Variants in RPTOR observed in about 807,000 individuals in gnomAD.
RPTOR encodes regulatory associated protein of MTOR complex 1, also known as regulatory-associated protein of mTOR.
A neutral mutation model predicts 169.9 loss-of-function variants in RPTOR; 21 were observed. The observed-to-expected ratio is 0.12, with a 90% CI of 0.09 to 0.18. RPTOR has a LOEUF of 0.18. RPTOR is among the 10% of genes least tolerant of loss of function. The pLI is 1.00. For missense variants in RPTOR, 1,133 were observed against 1,855.9 expected (o/e 0.61, Z 7.16); for synonymous variants, 732 against 753.2 (o/e 0.97, Z 0.46).
At chr17:80,858,699 G>C (rs1411683515) in intron 13 of RPTOR, among the ~76,000 whole-genome samples, 1 of 152,192 alleles carries the variant, frequency 6.6e-6, no homozygotes, top group African/African-American at 2.4e-5. Context: ...ACGCCAGGAA[G>C]GGCCTTGAGG....
At chr17:80,700,400 G>GTGA (rs1315185153) in intron 3 of RPTOR, among the ~76,000 whole-genome samples, 4 of 151,188 alleles carry the variant, frequency 2.6e-5, no homozygotes, top group African/African-American at 9.7e-5. Flanking sequence ...GGTAGTGGTG[G>GTGA]TGATGGTGGT....
At position 80,546,770 on chromosome 17, in the gene RPTOR, T is replaced by A. The variant is rs76666348; in HGVS notation, c.162+979T>A. On this transcript the variant is annotated intron_variant, in intron 1 of 33. Coordinates refer to ENST00000306801, the MANE Select transcript of RPTOR (RefSeq NM_020761.3). The stretch of plus-strand genomic sequence containing the variant: ...TTGAACATATATAAGATTACACTTC[T>A]GGGCTGGGCGCGGTGGCTCACGCCT... Among the ~76,000 whole-genome samples, 58 of 152,306 alleles carry A rather than the reference T, an allele frequency of 3.8e-4. 1 individual carries two copies. The East Asian group carries it at 0.011, about 28-fold the overall frequency.
intron 24 of RPTOR, among the ~76,000 whole-genome samples, chr17:80,935,884 T>G (rs1203557420): frequency 6.6e-6 from 1 of 152,120 alleles, no homozygotes; most frequent in Non-Finnish European, 1.5e-5. Context: ...TCATCAAAAT[T>G]AAAAACTGCT....
At chr17:80,863,383 C>A (rs1282607954) in intron 13 of RPTOR, among the ~76,000 whole-genome samples, 5 of 152,114 alleles carry the variant, frequency 3.3e-5, no homozygotes, top group Non-Finnish European at 7.3e-5. Flanking sequence ...GAAAATATGA[C>A]CCGTAATGAA....
In RPTOR at chr17:80,820,675, C is replaced by T. The variant is rs1254213859; in HGVS notation, c.891-1526C>T. The stretch of plus-strand genomic sequence containing the variant: ...GCAGCCTGGCCATTCCTCCTGCGCA[C>T]AGTGGACATGCTTGTTCTGAAGCGA... On this transcript the variant is annotated intron_variant, in intron 7 of 33. Transcript: ENST00000306801. The surrounding 1 kb of genome is among the most constrained non-coding windows in gnomAD (Gnocchi z 4.1). Among the ~76,000 whole-genome samples, 3 of 152,244 alleles carry T rather than the reference C, an allele frequency of 2.0e-5. No homozygotes were observed. The highest frequency in any genetic ancestry group is 4.1e-4 in the South Asian group (2 of 4,838).
intron 13 of RPTOR, among the ~76,000 whole-genome samples, chr17:80,875,603 GGCTT>G (rs2068098113): frequency 6.6e-6 from 1 of 152,214 alleles, no homozygotes; most frequent in Non-Finnish European, 1.5e-5. Flanking sequence ...TTGAGAGGGC[GGCTT>G]TGGCAGATTC....
intron 9 of RPTOR, among the ~76,000 whole-genome samples, chr17:80,827,493 C>T (rs1397846411): frequency 3.3e-5 from 5 of 152,206 alleles, no homozygotes; most frequent in South Asian, 2.1e-4. Context: ...GCGCAGGAGC[C>T]GGGTGCTGCA....
At chr17:80,840,690 ACT>A (rs1432414778) in intron 10 of RPTOR, among the ~76,000 whole-genome samples, 1 of 85,510 alleles carries the variant, frequency 1.2e-5, no homozygotes, top group Non-Finnish European at 2.3e-5. Flanking sequence ...ACGGCAGCTC[ACT>A]CTCACCACAC....
At chr17:80,703,751 A>G (rs1382802914) in intron 3 of RPTOR, among the ~76,000 whole-genome samples, 1 of 152,160 alleles carries the variant, frequency 6.6e-6, no homozygotes, top group Non-Finnish European at 1.5e-5. Context: ...TGGGGCCTGG[A>G]GCTGGGCTAA....
intron 3 of RPTOR, among the ~76,000 whole-genome samples, chr17:80,700,541 A>ATGG (rs2066080571): frequency 1.2e-5 from 1 of 80,698 alleles, no homozygotes; most frequent in Non-Finnish European, 2.4e-5. Context: ...GGTGGTGATG[A>ATGG]TGATGGTGGT....
intron 7 of RPTOR, among the ~76,000 whole-genome samples, chr17:80,818,572 C>T (rs1012054831): frequency 3.9e-5 from 6 of 152,158 alleles, no homozygotes; most frequent in African/African-American, 9.7e-5. Flanking sequence ...ATGCTGGACT[C>T]GGTTCCACCT....
intron 7 of RPTOR, among the ~76,000 whole-genome samples, chr17:80,816,733 G>A (rs2067327373): frequency 6.6e-6 from 1 of 152,180 alleles, no homozygotes; most frequent in South Asian, 2.1e-4. Context: ...GGGCGGTGAG[G>A]ACAGAAACCA....
intron 31 of RPTOR, 170 bp downstream of exon 31, chr17:80,961,650 C>T: frequency 1.3e-6 from 1 of 750,104 alleles, no homozygotes; most frequent in South Asian, 1.9e-5. Flanking sequence ...CGTAGGGGCC[C>T]AGGGGCCACA....
intron 13 of RPTOR, among the ~76,000 whole-genome samples, chr17:80,873,980 G>A (rs1038522845): frequency 6.6e-6 from 1 of 152,196 alleles, no homozygotes; most frequent in Admixed American, 6.5e-5. Context: ...CCCCAGAAGG[G>A]ATGGGCAGTG....
chr17:80,755,975 G>A (rs1044080722), intron 6 of RPTOR, among the ~76,000 whole-genome samples: 2 of 152,192 alleles, frequency 1.3e-5, no homozygotes, highest in African/African-American at 4.8e-5. Flanking sequence ...CTGAACCAGG[G>A]TTATTGTAAA....
At chr17:80,831,846 C>T (rs113088628) in intron 9 of RPTOR, among the ~76,000 whole-genome samples, 1 of 22,014 alleles carries the variant, frequency 4.5e-5, no homozygotes, top group African/African-American at 2.5e-4. Context: ...ACTGTGTATC[C>T]CTGTGTGTGC....
At chr17:80,663,196 C>A (rs1418465341) in intron 3 of RPTOR, among the ~76,000 whole-genome samples, 1 of 152,220 alleles carries the variant, frequency 6.6e-6, no homozygotes, top group East Asian at 1.9e-4. Context: ...ATCCACCCTC[C>A]CTCTCCCACA....
intron 4 of RPTOR, among the ~76,000 whole-genome samples, chr17:80,712,208 G>T (rs2066200116): frequency 6.6e-6 from 1 of 152,102 alleles, no homozygotes; most frequent in Non-Finnish European, 1.5e-5. Context: ...AACTGATAAT[G>T]ATGTGTTATA....
At chr17:80,682,350 C>T (rs1019554975) in intron 3 of RPTOR, among the ~76,000 whole-genome samples, 1 of 152,166 alleles carries the variant, frequency 6.6e-6, no homozygotes, top group Non-Finnish European at 1.5e-5. Context: ...AAGCCATTTG[C>T]CTGCCTCAGC....
Sources: gnomAD v4.1 joint callset for allele counts (sites outside exome capture counted in the v4.1 genomes callset) on GRCh38, gnomAD v4.1.1 for gene constraint, Gnocchi (gnomAD v3.1) non-coding constraint, MANE v1.5 for transcripts, NCBI Gene and HGNC (gene_info 2026-07-23, HGNC 2026-07-21) for gene names.